LRRC40: variants seen among roughly 807,000 people sequenced by gnomAD.
LRRC40 encodes leucine-rich repeat-containing protein 40.
Under a neutral mutation model 72.8 loss-of-function variants are expected in LRRC40, and 76 were observed. The ratio of observed to expected loss-of-function variants is 1.04; its 90% CI spans 0.87 to 1.26. LRRC40 has a LOEUF of 1.26. Ranked by LOEUF, LRRC40 falls within the 50% of genes most tolerant of loss-of-function variation. The pLI, the probability that LRRC40 is intolerant of heterozygous loss-of-function variation, is 0.00. For missense variants in LRRC40, 684 were observed against 698.9 expected (o/e 0.98, Z 0.24); for synonymous variants, 243 against 254.2 (o/e 0.96, Z 0.42).
chr1:70,159,388 G>A lies in LRRC40; in HGVS notation c.1162C>T (p.Pro388Ser), dbSNP rs145682711. The change falls in exon 10 of 15, where the codon CCA (proline) becomes TCA (serine). Residue 388 changes from proline (P) to serine (S), a missense_variant. By Grantham distance (74) the Pro-to-Ser change is moderately conservative. Transcript: ENST00000370952. The part of the protein sequence containing the change: ...ESATETAMTL[P>S]SESRVNIHAI... ...TGTATATTGACTCTGGATTCACTTG[G>A]TAGTGTCATGGCAGTCTCAGTAGCA... is the stretch of plus-strand genomic sequence containing the variant. The A allele has an allele frequency of 2.7e-3, 4,388 of 1,598,052 alleles. 8 individuals are homozygous for A. The highest frequency in any genetic ancestry group is 6.0e-3 in the Middle Eastern group (36 of 6,020).
rs1325984644 is a variant in LRRC40, at chr1:70,205,400, G to T, written c.141C>A (p.Asn47Lys). The change falls in exon 1 of 15, where the codon AAC becomes AAA. Residue 47 changes from asparagine to lysine, a missense_variant. Physicochemically the swap from Asn to Lys is moderately conservative, Grantham distance 94 (BLOSUM62 0). Coordinates refer to ENST00000370952, the MANE Select transcript of LRRC40 (RefSeq NM_017768.5). ...KSGQLNLSGR[N>K]LSEVPQCVWR... ...ACCTCTGGGTCTTACCTTCACTGAGGTTTCTACCCGACAGGTTTAACTGGC... is the reference window on the plus strand; with the variant it reads ...ACCTCTGGGTCTTACCTTCACTGAGTTTTCTACCCGACAGGTTTAACTGGC... The T allele has an allele frequency of 6.3e-7, 1 of 1,592,810 alleles. No homozygotes were observed. The highest frequency in any genetic ancestry group is 1.7e-4 in the Middle Eastern group (1 of 5,986).
intron 1 of LRRC40, among the ~76,000 whole-genome samples, chr1:70,192,345 A>T (rs1668519913): frequency 6.6e-6 from 1 of 151,932 alleles, no homozygotes; most frequent in South Asian, 2.1e-4. Context: ...CTGAAAAGGG[A>T]ACCCTTAAAC....
chr1:70,191,738 T>C (rs1668505544), intron 1 of LRRC40, among the ~76,000 whole-genome samples: 1 of 152,152 alleles, frequency 6.6e-6, no homozygotes, highest in Admixed American at 6.6e-5. Context: ...TCTGTGGAGC[T>C]ATCCTACAAG....
In LRRC40 at chr1:70,151,756, A is replaced by G. The variant is rs886249750; in HGVS notation, c.1440-551T>C. 7 of 152,030 alleles carry G rather than the reference A, an allele frequency of 4.6e-5. No individual in the cohort carries two copies. In the East Asian group the frequency reaches 1.3e-3, roughly 29 times the overall value. The allele number at this position is 152,030 out of a possible 1,614,324, so 9.4% of individuals were successfully genotyped here. On this transcript the variant is annotated intron_variant, in intron 12 of 14. Coordinates refer to ENST00000370952, the MANE Select transcript of LRRC40 (RefSeq NM_017768.5). ...CTATTTTTTTTTTTTAGCTCTTACA[A>G]TGAAACATGGCAATAAACAAAATCT...
At chr1:70,202,513 T>G (rs1411177225) in intron 1 of LRRC40, among the ~76,000 whole-genome samples, 1 of 152,182 alleles carries the variant, frequency 6.6e-6, no homozygotes, top group East Asian at 1.9e-4. Context: ...AGATCACTGG[T>G]TGCCCACAGT....
Position 70,186,094 on chromosome 1 carries a change from T to C in LRRC40, c.407+1171A>G, listed in dbSNP as rs576222829. On this transcript the variant is annotated intron_variant, in intron 3 of 14. Coordinates refer to ENST00000370952, the MANE Select transcript of LRRC40 (RefSeq NM_017768.5). ...AATATTGTTAAGTCGGTTACTGTTA[T>C]TGGTTACCTAGCTGAAATCTTTGCA... Among the ~76,000 whole-genome samples, 4 of 152,312 alleles carry C rather than the reference T, an allele frequency of 2.6e-5. No homozygotes were observed. In the South Asian group the frequency reaches 6.2e-4, roughly 24 times the overall value.
At chr1:70,147,224 T>C (rs1667329097) in intron 14 of LRRC40, 1 of 152,202 alleles carries the variant, frequency 6.6e-6, no homozygotes, top group South Asian at 2.1e-4. Flanking sequence ...ATGCTTTGTC[T>C]TCTTGTTTCA....
chr1:70,185,058 C>A, intron 3 of LRRC40, 144 bp from the exon 4 acceptor site: 1 of 591,196 alleles, frequency 1.7e-6, no homozygotes, highest in East Asian at 3.2e-5. Context: ...AAATTCATAT[C>A]CAAAAATATG....
Position 70,148,615 on chromosome 1 carries a change from A to G in LRRC40, c.1575T>C (p.Ile525=). 1 of 1,612,932 alleles carries G rather than the reference A, an allele frequency of 6.2e-7. No homozygotes were observed. Among genetic ancestry groups the G allele is most frequent in the Non-Finnish European group, 8.5e-7 (1 of 1,179,158 alleles). ...CCACAGATCCAACCTGATTATTACTAATCAGAATTGTTTCAAGTGTGAAGA... is the reference window on the plus strand; with the variant it reads ...CCACAGATCCAACCTGATTATTACTGATCAGAATTGTTTCAAGTGTGAAGA... ...YRIFTLETIL[I]SNNQVGSVDP... Residue 525 remains isoleucine, a synonymous_variant, in exon 14 of 15, where the codon ATT becomes ATC. Coordinates refer to ENST00000370952, the MANE Select transcript of LRRC40 (RefSeq NM_017768.5).
intron 1 of LRRC40, among the ~76,000 whole-genome samples, chr1:70,189,491 A>G (rs269278): frequency 3.7e-4 from 56 of 152,208 alleles, no homozygotes; most frequent in African/African-American, 1.3e-3. Flanking sequence ...TCCTCTACAC[A>G]TTAGCTCTCA....
At chr1:70,146,339 C>T (rs562981380) in intron 14 of LRRC40, among the ~76,000 whole-genome samples, 14 of 152,110 alleles carry the variant, frequency 9.2e-5, no homozygotes, top group South Asian at 2.1e-4. Context: ...TGCCCCTTTT[C>T]ATATCTGAAC....
chr1:70,153,325 G>A (rs1030691469), intron 11 of LRRC40, among the ~76,000 whole-genome samples: 1 of 151,734 alleles, frequency 6.6e-6, no homozygotes, highest in Non-Finnish European at 1.5e-5. Context: ...TCATGCCACT[G>A]CACTCCAGCC....
chr1:70,159,660 G>A (rs1300645793), intron 9 of LRRC40, among the ~76,000 whole-genome samples: 3 of 152,100 alleles, frequency 2.0e-5, no homozygotes, highest in African/African-American at 2.4e-5. Flanking sequence ...ACTGTTTAAT[G>A]AATCCTACTG....
At chr1:70,167,749 G>T (rs1226616188) in intron 9 of LRRC40, among the ~76,000 whole-genome samples, 1 of 151,784 alleles carries the variant, frequency 6.6e-6, no homozygotes, top group Non-Finnish European at 1.5e-5. Context: ...TGAGTAGCTG[G>T]GACTACAGGT....
At position 70,187,838 on chromosome 1, in the gene LRRC40, GGAAGAGAAGAGAAGAGAAGA is replaced by G. The variant is rs60796937; in HGVS notation, c.334-520_334-501del. ...AGAGTGAGACCCTGTCTCAAAAAATGGAAGAGAAGAGAAGAGAAGAGAAGAGAAGAGAAGAGAAGAGAAGA... is the reference window on the plus strand; with the variant it reads ...AGAGTGAGACCCTGTCTCAAAAAATGGAAGAGAAGAGAAGAGAAGAGAAGA... On this transcript the variant is annotated intron_variant, in intron 2 of 14. Coordinates refer to ENST00000370952, the MANE Select transcript of LRRC40 (RefSeq NM_017768.5). 3.6e-3 allele frequency among the ~76,000 whole-genome samples: 449 copies of G among 123,788 alleles called. 1 individual carries two copies. Among genetic ancestry groups the G allele is most frequent in the South Asian group, 0.014 (41 of 2,986 alleles). 81.2% of individuals were successfully genotyped at this position (123,788 alleles called of 152,430 possible). A position where few individuals can be genotyped will look rare whatever the true frequency, so the allele number is the denominator to read the frequency against.
At chr1:70,178,785 T>C in intron 6 of LRRC40, 66 bp downstream of exon 6, 1 of 1,073,452 alleles carries the variant, frequency 9.3e-7, no homozygotes, top group South Asian at 2.0e-5. Context: ...ATTAGCTCCT[T>C]TAAAAATGCA....
chr1:70,181,698 A>G (rs1668250156), intron 4 of LRRC40, among the ~76,000 whole-genome samples: 1 of 152,024 alleles, frequency 6.6e-6, no homozygotes, highest in Non-Finnish European at 1.5e-5. Context: ...TTGAGGAAAA[A>G]AAAATATTTT....
At position 70,160,807 on chromosome 1, in the gene LRRC40, T is replaced by C. The variant is rs896999517; in HGVS notation, c.1112-1369A>G. 3.3e-5 allele frequency among the ~76,000 whole-genome samples: 5 copies of C among 152,268 alleles called. No homozygotes were observed. In the East Asian group the frequency reaches 9.7e-4, roughly 29 times the overall value. ...ATATATCTTTGCGTATTGTTGTTTTTTTTAACCATGTGCATTTACTGTCTT... is the reference window on the plus strand; with the variant it reads ...ATATATCTTTGCGTATTGTTGTTTTCTTTAACCATGTGCATTTACTGTCTT... On this transcript the variant is annotated intron_variant, in intron 9 of 14. Transcript: ENST00000370952.
chr1:70,161,659 T>A (rs1343807448), intron 9 of LRRC40, among the ~76,000 whole-genome samples: 1 of 152,150 alleles, frequency 6.6e-6, no homozygotes, highest in Admixed American at 6.5e-5. Context: ...GAACGAAGTC[T>A]TCAGAGCTTC....
Sources: allele counts gnomAD v4.1 joint callset (sites outside exome capture counted in the v4.1 genomes callset), GRCh38; gene constraint gnomAD v4.1.1; transcripts MANE v1.5; gene names NCBI Gene and HGNC (gene_info 2026-07-23, HGNC 2026-07-21).